Variants in GPC4 observed in about 807,000 individuals in gnomAD.
GPC4 encodes glypican 4.
A neutral mutation model predicts 35.0 loss-of-function variants in GPC4; 10 were observed. The observed-to-expected ratio is 0.29, with a 90% CI of 0.18 to 0.48. The LOEUF (loss-of-function observed/expected upper bound fraction) is 0.48. GPC4 is among the 20% of genes least tolerant of loss of function. The pLI is 0.99. For missense variants in GPC4, 322 were observed against 451.3 expected, an observed-to-expected ratio of 0.71 and a Z score of 2.60; for synonymous variants, 167 against 170.2, an observed-to-expected ratio of 0.98 and a Z score of 0.15.
intron 1 of GPC4, among the ~76,000 whole-genome samples, chrX:133,408,709 G>A (rs2068799684): frequency 9.0e-6 from 1 of 111,321 alleles, no homozygotes; most frequent in Non-Finnish European, 1.9e-5. Flanking sequence ...TCCAGCCTGG[G>A]CAACAAGAGC....
intron 1 of GPC4, among the ~76,000 whole-genome samples, chrX:133,343,384 T>C (rs1458900912): frequency 1.8e-5 from 2 of 111,887 alleles, no homozygotes; most frequent in Admixed American, 1.9e-4. Flanking sequence ...CTTTCCACTC[T>C]CTTTTCACTC....
intron 1 of GPC4, among the ~76,000 whole-genome samples, chrX:133,410,345 A>G (rs1026529726): frequency 8.0e-5 from 9 of 112,487 alleles, no homozygotes; most frequent in Non-Finnish European, 1.7e-4. Context: ...AAGATTGTGA[A>G]CATATTTCAT....
At chrX:133,378,914 T>C (rs2124165054) in intron 1 of GPC4, among the ~76,000 whole-genome samples, 1 of 111,747 alleles carries the variant, frequency 8.9e-6, no homozygotes, top group South Asian at 3.8e-4. Flanking sequence ...CTAGGGCCCT[T>C]GAGAAGTAAT....
intron 1 of GPC4, among the ~76,000 whole-genome samples, chrX:133,371,932 A>G (rs1404596083): frequency 9.0e-6 from 1 of 111,409 alleles, no homozygotes. Context: ...CTGGGACAAC[A>G]GCTTAAAAGA....
intron 1 of GPC4, among the ~76,000 whole-genome samples, chrX:133,387,724 T>A (rs1318544621): frequency 8.9e-6 from 1 of 111,955 alleles, no homozygotes; most frequent in Non-Finnish European, 1.9e-5. Flanking sequence ...AGCGCTAGAT[T>A]TCATTTCATA....
intron 1 of GPC4, among the ~76,000 whole-genome samples, chrX:133,411,192 G>A (rs2068811577): frequency 8.9e-6 from 1 of 112,130 alleles, no homozygotes; most frequent in Non-Finnish European, 1.9e-5. Context: ...GATCATAGGT[G>A]CATTGCTCAT....
At chrX:133,312,573 G>A (rs904686441) in intron 3 of GPC4, among the ~76,000 whole-genome samples, 5 of 103,341 alleles carry the variant, frequency 4.8e-5, no homozygotes, top group Non-Finnish European at 6.0e-5. Context: ...AGGTTGCAGC[G>A]AGCCGAGATC....
chrX:133,333,094 C>G (rs1267969396), intron 2 of GPC4, among the ~76,000 whole-genome samples: 1 of 112,212 alleles, frequency 8.9e-6, no homozygotes, highest in Non-Finnish European at 1.9e-5. Flanking sequence ...CCTGCCTGCA[C>G]AGGGAATTCT....
chrX:133,339,154 G>A (rs929885076), intron 2 of GPC4, 29 bp downstream of exon 2: 21 of 1,204,790 alleles, frequency 1.7e-5, no homozygotes, highest in Non-Finnish European at 2.1e-5. Context: ...CCTAACTGCC[G>A]GTTCTTACAT....
At chrX:133,327,648 T>TGC (rs2068400192) in intron 2 of GPC4, among the ~76,000 whole-genome samples, 1 of 102,416 alleles carries the variant, frequency 9.8e-6, no homozygotes, top group African/African-American at 3.7e-5. Flanking sequence ...TGTGTGTGTG[T>TGC]GTGTGTGTGT....
intron 1 of GPC4, among the ~76,000 whole-genome samples, chrX:133,369,839 C>T (rs908319713): frequency 9.0e-6 from 1 of 111,210 alleles, no homozygotes; most frequent in African/African-American, 3.3e-5. Context: ...TGAGTACTCA[C>T]ATACCAGCTG....
chrX:133,408,229 T>C (rs1354912855), intron 1 of GPC4, among the ~76,000 whole-genome samples: 1 of 112,558 alleles, frequency 8.9e-6, no homozygotes, highest in Non-Finnish European at 1.9e-5. Context: ...AGTATGTCTG[T>C]TTATTTATAT....
intron 3 of GPC4, among the ~76,000 whole-genome samples, chrX:133,312,745 T>C (rs1296481016): frequency 1.8e-5 from 2 of 110,204 alleles, no homozygotes; most frequent in Non-Finnish European, 3.8e-5. Context: ...GCAGGACACA[T>C]GGGGCTATGA....
At chrX:133,319,484 G>GA (rs1394650491) in intron 3 of GPC4, among the ~76,000 whole-genome samples, 5 of 75,170 alleles carry the variant, frequency 6.7e-5, no homozygotes, top group African/African-American at 2.5e-4. Flanking sequence ...AAGAAGGAAA[G>GA]AAAGAAAGAC....
intron 1 of GPC4, among the ~76,000 whole-genome samples, chrX:133,410,029 T>C (rs1371495455): frequency 8.9e-6 from 1 of 111,786 alleles, no homozygotes; most frequent in Non-Finnish European, 1.9e-5. Context: ...GGCTCAATTG[T>C]ATTGTCCAGG....
At chrX:133,382,796 G>T (rs1603090458) in intron 1 of GPC4, among the ~76,000 whole-genome samples, 2 of 112,983 alleles carry the variant, frequency 1.8e-5, no homozygotes, top group South Asian at 7.2e-4. Context: ...ACTCGTCACT[G>T]AAGATATATA....
At chrX:133,363,241 G>A (rs2068576827) in intron 1 of GPC4, among the ~76,000 whole-genome samples, 1 of 110,544 alleles carries the variant, frequency 9.0e-6, no homozygotes, top group South Asian at 3.9e-4. Flanking sequence ...TCACTATGTT[G>A]CCCAGGCTGG....
chrX:133,338,853 C>T (rs745727871), intron 2 of GPC4, among the ~76,000 whole-genome samples: 1 of 110,963 alleles, frequency 9.0e-6, no homozygotes, highest in Non-Finnish European at 1.9e-5. Flanking sequence ...TTTCAGATGC[C>T]TGCTTTTTAT....
At chrX:133,326,034 T>C (rs1441223396) in intron 2 of GPC4, among the ~76,000 whole-genome samples, 2 of 110,172 alleles carry the variant, frequency 1.8e-5, no homozygotes, top group East Asian at 2.8e-4. Context: ...TTTTTTTTTT[T>C]CTTTGCTTCT....
Sources: gnomAD v4.1 joint callset for allele counts (sites outside exome capture counted in the v4.1 genomes callset) on GRCh38, gnomAD v4.1.1 for gene constraint, MANE v1.5 for transcripts, NCBI Gene and HGNC (gene_info 2026-07-23, HGNC 2026-07-21) for gene names.